Variants in LAMA3 observed in about 807,000 individuals in gnomAD.
The protein encoded by LAMA3 is laminin subunit alpha-3.
In LAMA3, 281 loss-of-function variants were observed where a neutral mutation model predicts 402.0. The observed-to-expected ratio is 0.70, with a 90% CI of 0.63 to 0.77. LAMA3 has a LOEUF of 0.77. LAMA3 is among the 30% of genes least tolerant of loss of function. The pLI, the probability that LAMA3 is intolerant of heterozygous loss-of-function variation, is 0.00. For synonymous variants in LAMA3, 1,431 were observed against 1,558.4 expected (o/e 0.92, Z 1.93); for missense variants, 3,840 against 4,215.5 (o/e 0.91, Z 2.47).
chr18:23,884,913 G>C, intron 41 of LAMA3, 60 bp downstream of exon 41: 1 of 1,343,026 alleles, frequency 7.4e-7, no homozygotes, highest in Admixed American at 1.9e-5. Flanking sequence ...CTGTGGGTGG[G>C]GCTGCCAGGT....
chr18:23,867,855 T>C lies in LAMA3; in HGVS notation c.4705T>C (p.Tyr1569His). The C allele has an allele frequency of 6.2e-7, 1 of 1,614,068 alleles. No individual in the cohort carries two copies. The highest frequency in any genetic ancestry group is 8.5e-7 in the Non-Finnish European group (1 of 1,179,924). Residue 1569 changes from tyrosine to histidine, a missense_variant, in exon 37 of 75, where the codon TAT becomes CAT. Tyr to His is a moderately conservative substitution (Grantham distance 83). Around this residue, in one of 3 missense-constraint regions of LAMA3, gnomAD observed 2,109 missense variants for 2,376.0 expected, o/e 0.89. Transcript: ENST00000313654. ...ACAGGGTCAGCACATGTCCATCATCTATGAGGAGACAAACACCCCACGGCC... is the reference window on the plus strand; with the variant it reads ...ACAGGGTCAGCACATGTCCATCATCCATGAGGAGACAAACACCCCACGGCC... ...QLTGQHMSII[Y>H]EETNTPRPDR...
At chr18:23,784,227 A>C in intron 12 of LAMA3, 70 bp downstream of exon 12, 1 of 1,580,030 alleles carries the variant, frequency 6.3e-7, no homozygotes, top group Non-Finnish European at 8.7e-7. Flanking sequence ...GGAAATGCAG[A>C]TCTTTCTGGC....
chr18:23,755,372 G>C (rs565180293), intron 6 of LAMA3, among the ~76,000 whole-genome samples: 39 of 152,200 alleles, frequency 2.6e-4, no homozygotes, highest in Non-Finnish European at 3.5e-4. Flanking sequence ...CTTGGTGAAA[G>C]GCTCAGTTTG....
chr18:23,713,881 AAAAC>A (rs1285026559), intron 1 of LAMA3, 35 bp from the exon 2 acceptor site: 4 of 1,594,992 alleles, frequency 2.5e-6, no homozygotes, highest in Middle Eastern at 1.7e-4. Context: ...AAAAAAATAA[AAAAC>A]AAAAAACAAA....
At position 23,787,878 on chromosome 18, in the gene LAMA3, A is replaced by G. The variant is rs977172472; in HGVS notation, c.1603+3721A>G. 2.0e-5 allele frequency among the ~76,000 whole-genome samples: 3 copies of G among 152,206 alleles called. No individual in the cohort carries two copies. The East Asian group carries it at 5.8e-4, about 29-fold the overall frequency. On this transcript the variant is annotated intron_variant, in intron 12 of 74. Transcript: ENST00000313654. ...ACCATCAAATAATAATTTGAATAACATGTAAAAATTACAAAAGAGAGTATA... is the reference window on the plus strand; with the variant it reads ...ACCATCAAATAATAATTTGAATAACGTGTAAAAATTACAAAAGAGAGTATA...
Position 23,914,421 on chromosome 18 carries a change from C to G in LAMA3, c.7341C>G (p.Asp2447Glu). The G allele has an allele frequency of 6.2e-7, 1 of 1,614,166 alleles. No homozygotes were observed. Among genetic ancestry groups the G allele is most frequent in the African/African-American group, 1.3e-5 (1 of 75,044 alleles). Reference sequence around the variant, plus strand: ...CCCTTTGTCTCCAGGCCTCCCGGGACTACATCGGCATGGCAGTTGTGGATG... The same window carrying G: ...CCCTTTGTCTCCAGGCCTCCCGGGAGTACATCGGCATGGCAGTTGTGGATG... ...MYLGNKDASR[D>E]YIGMAVVDGQ... The change falls in exon 57 of 75, where the codon GAC (aspartate) becomes GAG (glutamate). Residue 2447 changes from aspartate (D) to glutamate (E), a missense_variant. Coordinates refer to ENST00000313654, the MANE Select transcript of LAMA3 (RefSeq NM_198129.4).
chr18:23,791,689 G>A (rs1598801650), intron 12 of LAMA3, among the ~76,000 whole-genome samples: 4 of 141,956 alleles, frequency 2.8e-5, no homozygotes, highest in South Asian at 2.3e-4. Flanking sequence ...AGCTGAGATC[G>A]CACCACTGGA....
At chr18:23,930,824 C>A (rs886997751) in intron 64 of LAMA3, among the ~76,000 whole-genome samples, 1 of 151,942 alleles carries the variant, frequency 6.6e-6, no homozygotes, top group Admixed American at 6.6e-5. Context: ...AATGTAGGTC[C>A]AAAAAATGAT....
chr18:23,914,359 A>T, intron 56 of LAMA3, 51 bp from the exon 57 acceptor site: 1 of 1,607,460 alleles, frequency 6.2e-7, no homozygotes, highest in Non-Finnish European at 8.5e-7. Context: ...TTGGGATGGG[A>T]ATTTGAGAAA....
Position 23,846,285 on chromosome 18 carries a change from C to G in LAMA3, c.3720-12C>G. The G allele has an allele frequency of 6.2e-7, 1 of 1,614,090 alleles. No homozygotes were observed. Among genetic ancestry groups the G allele is most frequent in the Non-Finnish European group, 8.5e-7 (1 of 1,179,914 alleles). On this transcript the variant is annotated splice_polypyrimidine_tract_variant and intron_variant, in intron 30 of 74. Coordinates refer to ENST00000313654, the MANE Select transcript of LAMA3 (RefSeq NM_198129.4). Reference sequence around the variant, plus strand: ...CCCCAGGCATCACCATGAGTTGTTTCTGTCTCCACAGCCCCCAGACAGCCT... The same window carrying G: ...CCCCAGGCATCACCATGAGTTGTTTGTGTCTCCACAGCCCCCAGACAGCCT...
intron 2 of LAMA3, among the ~76,000 whole-genome samples, chr18:23,739,804 G>T (rs1052952093): frequency 1.3e-5 from 2 of 152,060 alleles, no homozygotes; most frequent in Non-Finnish European, 2.9e-5. Context: ...AGCCTATTCT[G>T]GTGTAAGCCA....
chr18:23,897,555 T>C (rs1022343749), intron 44 of LAMA3, among the ~76,000 whole-genome samples: 2 of 152,306 alleles, frequency 1.3e-5, no homozygotes, highest in East Asian at 1.9e-4. Flanking sequence ...AACCTAGTGT[T>C]GTTCTCATTA....
intron 24 of LAMA3, 64 bp from the exon 25 acceptor site, chr18:23,836,916 GA>G: frequency 8.5e-7 from 1 of 1,180,918 alleles, no homozygotes; most frequent in Non-Finnish European, 1.3e-6. Context: ...AGCCAACCCA[GA>G]AGGATGTGCA....
In LAMA3 at chr18:23,939,334, A is replaced by T. The variant is rs767125079; in HGVS notation, c.8974A>T (p.Ile2992Phe). ...TCATGGAGCCCTCCAGTTTGGGGAC[A>T]TTCCCACCAGCCACTTGCTATTCAA... ...ANHGALQFGDIPTSHLLFKLP... is the reference protein window; with the variant it reads ...ANHGALQFGDFPTSHLLFKLP... Residue 2992 changes from isoleucine (I) to phenylalanine (F), a missense_variant, in exon 68 of 75, where the codon ATT (isoleucine) becomes TTT (phenylalanine). Ile to Phe is a conservative substitution (Grantham distance 21). Transcript: ENST00000313654. 1.9e-6 allele frequency: 3 copies of T among 1,614,090 alleles called. No homozygotes were observed. The East Asian group carries it at 6.7e-5, about 36-fold the overall frequency.
At chr18:23,889,698 GAGGGAGGAAGGGAGGAAGGA>G (rs1568303661) in intron 41 of LAMA3, among the ~76,000 whole-genome samples, 2 of 125,734 alleles carry the variant, frequency 1.6e-5, no homozygotes, top group African/African-American at 6.4e-5. Context: ...GGAAGGAAGG[GAGGGAGGAAGGGAGGAAGGA>G]AGGAAGAAAG....
intron 17 of LAMA3, 43 bp from the exon 18 acceptor site, chr18:23,816,345 G>T: frequency 6.6e-7 from 1 of 1,504,048 alleles, no homozygotes; most frequent in Non-Finnish European, 9.3e-7. Context: ...GCTCAGTGTG[G>T]AGATGGTTTA....
Position 23,879,279 on chromosome 18 carries a change from G to A in LAMA3, c.5113-2657G>A, listed in dbSNP as rs946351192. 7.2e-5 allele frequency among the ~76,000 whole-genome samples: 11 copies of A among 152,142 alleles called. No homozygotes were observed. The highest frequency in any genetic ancestry group is 2.7e-4 in the African/African-American group (11 of 41,426). ...CCGCCCCCTTGCACTTCTGCCTTGG[G>A]CACGCCCTTTGCTTTTCATTCCCTC... On this transcript the variant is annotated intron_variant, in intron 39 of 74. Transcript: ENST00000313654. The surrounding 1 kb of genome is among the most constrained non-coding windows in gnomAD (Gnocchi z 4.2).
At chr18:23,782,640 C>T (rs1263911331) in intron 11 of LAMA3, among the ~76,000 whole-genome samples, 1 of 152,222 alleles carries the variant, frequency 6.6e-6, no homozygotes, top group South Asian at 2.1e-4. Context: ...ATCCAGGACA[C>T]ACTCTGAAAG....
intron 19 of LAMA3, 99 bp downstream of exon 19, chr18:23,820,096 C>A: frequency 8.5e-7 from 1 of 1,178,436 alleles, no homozygotes; most frequent in Non-Finnish European, 1.3e-6. Flanking sequence ...GTCCCCAGAA[C>A]TGATTCCACG....
Sources: allele counts gnomAD v4.1 joint callset (sites outside exome capture counted in the v4.1 genomes callset), GRCh38; gene constraint gnomAD v4.1.1; regional missense constraint gnomAD v4.1.1; non-coding constraint Gnocchi (gnomAD v3.1); transcripts MANE v1.5; gene names NCBI Gene and HGNC (gene_info 2026-07-23, HGNC 2026-07-21).